Variants in HS2ST1 observed in about 807,000 individuals in gnomAD.
HS2ST1 encodes heparan sulfate 2-O-sulfotransferase 1.
A neutral mutation model predicts 42.9 loss-of-function variants in HS2ST1; 18 were observed. The observed-to-expected ratio is 0.42, with a 90% confidence interval of 0.29 to 0.62. The LOEUF (loss-of-function observed/expected upper bound fraction) is 0.62, where lower values mean the gene tolerates loss of function less well. Ranked by LOEUF, HS2ST1 falls within the 20% of genes least tolerant of loss-of-function variation. The pLI is 0.21. For missense variants in HS2ST1, 334 were observed against 433.8 expected, an observed-to-expected ratio of 0.77 and a Z score of 2.04; for synonymous variants, 146 against 152.9, an observed-to-expected ratio of 0.95 and a Z score of 0.33.
chr1:87,068,657 C>G lies in HS2ST1; in HGVS notation c.125-4277C>G, dbSNP rs1299422200. Among the ~76,000 whole-genome samples, 3 of 152,226 alleles carry G rather than the reference C, an allele frequency of 2.0e-5. No homozygotes were observed. The Middle Eastern group carries it at 0.01, about 518-fold the overall frequency. On this transcript the variant is annotated intron_variant, in intron 1 of 6. Transcript: ENST00000370550. ...CACCGGTTGTCAAAGGACTTCCCAACACCTTTAAACTTAACTATTAATAGC... is the reference window on the plus strand; with the variant it reads ...CACCGGTTGTCAAAGGACTTCCCAAGACCTTTAAACTTAACTATTAATAGC...
chr1:86,982,107 G>A (rs1236306119), intron 1 of HS2ST1, among the ~76,000 whole-genome samples: 8 of 152,188 alleles, frequency 5.3e-5, no homozygotes, highest in South Asian at 2.1e-4. Flanking sequence ...CTGAAGCAAC[G>A]GCCTAAGCTG....
chr1:86,942,381 A>T (rs2102176926), intron 1 of HS2ST1, among the ~76,000 whole-genome samples: 1 of 152,340 alleles, frequency 6.6e-6, no homozygotes, highest in East Asian at 1.9e-4. Context: ...ATGTTAGTTA[A>T]CAGTGCAGTT....
intron 1 of HS2ST1, among the ~76,000 whole-genome samples, chr1:87,008,033 A>T (rs970308117): frequency 6.6e-6 from 1 of 152,302 alleles, no homozygotes; most frequent in South Asian, 2.1e-4. Flanking sequence ...AAATTGTAGC[A>T]TATAACTAAG....
chr1:86,976,704 G>GTGTATA (rs1553134337), intron 1 of HS2ST1, among the ~76,000 whole-genome samples: 6 of 79,662 alleles, frequency 7.5e-5, no homozygotes, highest in Non-Finnish European at 1.1e-4. Flanking sequence ...TTATAAAATT[G>GTGTATA]TATATATATA....
At chr1:86,959,311 T>A (rs185754886) in intron 1 of HS2ST1, among the ~76,000 whole-genome samples, 3 of 152,202 alleles carry the variant, frequency 2.0e-5, no homozygotes, top group Non-Finnish European at 2.9e-5. Flanking sequence ...ACAAATGACA[T>A]GTTGGTATAT....
chr1:86,969,394 G>T (rs1414214951), intron 1 of HS2ST1, among the ~76,000 whole-genome samples: 1 of 152,140 alleles, frequency 6.6e-6, no homozygotes, highest in Non-Finnish European at 1.5e-5. Flanking sequence ...ATAAACGTGT[G>T]TGTGTGTGTG....
chr1:86,957,077 G>A (rs1046004494), intron 1 of HS2ST1, among the ~76,000 whole-genome samples: 3 of 152,176 alleles, frequency 2.0e-5, no homozygotes, highest in African/African-American at 7.2e-5. Context: ...TAGCAAGTGA[G>A]TTGTGGGCTT....
At chr1:87,010,184 G>GGC (rs1649559926) in intron 1 of HS2ST1, among the ~76,000 whole-genome samples, 1 of 152,154 alleles carries the variant, frequency 6.6e-6, no homozygotes. Flanking sequence ...GTAAGGGAAA[G>GGC]GCAGCTCATA....
intron 1 of HS2ST1, among the ~76,000 whole-genome samples, chr1:86,930,540 CT>C (rs1251951469): frequency 6.6e-6 from 1 of 151,790 alleles, no homozygotes; most frequent in East Asian, 1.9e-4. Flanking sequence ...TTAGTCTGGG[CT>C]TTTGGGAGTT....
intron 1 of HS2ST1, among the ~76,000 whole-genome samples, chr1:87,000,492 C>T (rs1230308223): frequency 6.6e-6 from 1 of 152,076 alleles, no homozygotes; most frequent in Non-Finnish European, 1.5e-5. Flanking sequence ...AAATTATGCC[C>T]ACTTCAAATA....
At chr1:87,045,075 T>C in intron 1 of HS2ST1, 1 of 1,056,520 alleles carries the variant, frequency 9.5e-7, no homozygotes, top group Non-Finnish European at 1.5e-6. Flanking sequence ...ATCTTCTTCA[T>C]CCGAATCAAC....
intron 1 of HS2ST1, chr1:86,932,080 C>T (rs1415511853): frequency 2.6e-5 from 4 of 151,756 alleles, no homozygotes; most frequent in Non-Finnish European, 4.4e-5. Flanking sequence ...AGCTAGATAG[C>T]TAAGAGAAAT....
intron 1 of HS2ST1, among the ~76,000 whole-genome samples, chr1:86,944,620 C>T (rs1647274261): frequency 6.6e-6 from 1 of 152,116 alleles, no homozygotes; most frequent in Admixed American, 6.5e-5. Context: ...TCCCATAGTG[C>T]TGGGATTACA....
chr1:87,056,447 AT>A (rs1650971537), intron 1 of HS2ST1, among the ~76,000 whole-genome samples: 1 of 152,146 alleles, frequency 6.6e-6, no homozygotes, highest in South Asian at 2.1e-4. Context: ...CAACAAGGCA[AT>A]TTTTTTCATA....
chr1:87,012,637 A>T (rs1301005403), intron 1 of HS2ST1, among the ~76,000 whole-genome samples: 1 of 152,172 alleles, frequency 6.6e-6, no homozygotes, highest in Non-Finnish European at 1.5e-5. Flanking sequence ...TCACATTCCA[A>T]AATGAATCAT....
At chr1:86,923,863 A>G (rs1381552136) in intron 1 of HS2ST1, among the ~76,000 whole-genome samples, 1 of 152,148 alleles carries the variant, frequency 6.6e-6, no homozygotes, top group East Asian at 1.9e-4. Flanking sequence ...AATCCATATC[A>G]TTCCACCCCT....
At chr1:87,095,654 G>T (rs1652043554) in intron 4 of HS2ST1, among the ~76,000 whole-genome samples, 1 of 152,146 alleles carries the variant, frequency 6.6e-6, no homozygotes, top group Non-Finnish European at 1.5e-5. Context: ...AATCAAATCA[G>T]TGGTTCTCAA....
chr1:86,955,274 A>G (rs139894765), intron 1 of HS2ST1, among the ~76,000 whole-genome samples: 10 of 152,210 alleles, frequency 6.6e-5, no homozygotes, highest in East Asian at 5.8e-4. Flanking sequence ...GGAGTCCCCA[A>G]CCCTGGGGCC....
chr1:86,976,045 A>G (rs917144763), intron 1 of HS2ST1, among the ~76,000 whole-genome samples: 5 of 152,222 alleles, frequency 3.3e-5, no homozygotes, highest in Non-Finnish European at 7.3e-5. Flanking sequence ...CAAAGTGTAC[A>G]TTTATTAAAT....
Sources: gnomAD v4.1 joint callset for allele counts (sites outside exome capture counted in the v4.1 genomes callset) on GRCh38, gnomAD v4.1.1 for gene constraint, MANE v1.5 for transcripts, NCBI Gene and HGNC (gene_info 2026-07-23, HGNC 2026-07-21) for gene names.